Variants in PCTP observed in about 807,000 individuals in gnomAD.
PCTP encodes the protein phosphatidylcholine transfer protein, also known as START domain-containing protein 2.
Under a neutral mutation model 31.0 loss-of-function variants are expected in PCTP, and 27 were observed. That is an observed-to-expected ratio of 0.87 (90% confidence interval 0.64 to 1.20). The LOEUF (loss-of-function observed/expected upper bound fraction) is 1.20, where lower values mean the gene tolerates loss of function less well. Among genes scored for constraint, PCTP ranks in the 50% most tolerant of loss-of-function variants. PCTP has a pLI of 0.00. For synonymous variants in PCTP, 108 were observed against 101.2 expected, an observed-to-expected ratio of 1.07 and a Z score of -0.40; for missense variants, 287 against 268.2, an observed-to-expected ratio of 1.07 and a Z score of -0.49.
chr17:55,819,034 AAAAG>A (rs1913026575), intron 3 of PCTP, among the ~76,000 whole-genome samples: 2 of 148,700 alleles, frequency 1.3e-5, no homozygotes, highest in Non-Finnish European at 3.0e-5. Flanking sequence ...AAAAAAAAAA[AAAAG>A]AAAAGGAAAG....
At chr17:55,851,397 TCTGTAAGGTGACCCA>T in the PCTP span, among the ~76,000 whole-genome samples, 1 of 152,190 alleles carries the variant, frequency 6.6e-6, no homozygotes, top group Admixed American at 6.5e-5. Context: ...ATGGAGGTTG[TCTGTAAGGTGACCCA>T]CTCAAGCTCT....
At chr17:55,851,184 T>C in the PCTP span, among the ~76,000 whole-genome samples, 5 of 152,216 alleles carry the variant, frequency 3.3e-5, no homozygotes, top group Non-Finnish European at 5.9e-5. Context: ...CTTAAAAGTA[T>C]GATTATGTGT....
intron 3 of PCTP, among the ~76,000 whole-genome samples, chr17:55,804,877 G>C (rs938120513): frequency 6.6e-6 from 1 of 151,958 alleles, no homozygotes; most frequent in Non-Finnish European, 1.5e-5. Context: ...AAATTGAAAA[G>C]ATGGCATAAC....
At chr17:55,846,280 T>C (rs1039471660), downstream of PCTP, among the ~76,000 whole-genome samples, 7 of 152,134 alleles carry the variant, frequency 4.6e-5, no homozygotes, top group South Asian at 2.1e-4. Flanking sequence ...CCACCAAATA[T>C]AGATTCACTG....
chr17:55,758,619 T>C (rs1244442995), intron 1 of PCTP, among the ~76,000 whole-genome samples: 1 of 152,240 alleles, frequency 6.6e-6, no homozygotes, highest in East Asian at 1.9e-4. Context: ...TGGTCACTTA[T>C]GGAGCTGAAA....
rs532725416 is a variant in PCTP, at chr17:55,775,555, T to G, written c.580-480T>G. The G allele has an allele frequency of 3.8e-5, 44 of 1,157,402 alleles. 1 individual carries two copies. In the South Asian group the frequency reaches 2.0e-3, roughly 51 times the overall value. 71.7% of individuals were successfully genotyped at this position (1,157,402 alleles called of 1,614,324 possible). ...CTTCCTTTTTAAAAATGAAGATAGA[T>G]GTCTTCTACTGCATAGAGGGGGAGT... is the stretch of plus-strand genomic sequence containing the variant. On this transcript the variant is annotated intron_variant, in intron 5 of 5. Coordinates refer to ENST00000268896, the MANE Select transcript of PCTP (RefSeq NM_021213.4).
At chr17:55,799,693 T>C (rs1422992398) in intron 3 of PCTP, among the ~76,000 whole-genome samples, 3 of 152,144 alleles carry the variant, frequency 2.0e-5, no homozygotes, top group African/African-American at 4.8e-5. Context: ...ATTTGGTATG[T>C]TTTGCAGTGG....
chr17:55,808,997 A>G (rs1912665027), intron 3 of PCTP, among the ~76,000 whole-genome samples: 1 of 152,192 alleles, frequency 6.6e-6, no homozygotes, highest in South Asian at 2.1e-4. Flanking sequence ...ACATCTACAC[A>G]ATGCAAAGTG....
At chr17:55,800,377 C>T (rs1912335672) in intron 3 of PCTP, among the ~76,000 whole-genome samples, 1 of 151,752 alleles carries the variant, frequency 6.6e-6, no homozygotes, top group East Asian at 1.9e-4. Context: ...GCTATTGATA[C>T]TTGTGTGTGC....
downstream of PCTP, among the ~76,000 whole-genome samples, chr17:55,824,465 AAT>A (rs1905331923): frequency 6.6e-6 from 1 of 152,210 alleles, no homozygotes; most frequent in South Asian, 2.1e-4. Flanking sequence ...GCATGTCTCA[AAT>A]TAATTCCTGC....
chr17:55,844,655 A>T (rs923935215), downstream of PCTP, among the ~76,000 whole-genome samples: 5 of 152,130 alleles, frequency 3.3e-5, no homozygotes, highest in South Asian at 2.1e-4. Context: ...AGACTCACCG[A>T]CATAGAATCT....
At chr17:55,778,361 C>T (rs562089182), downstream of PCTP, among the ~76,000 whole-genome samples, 4 of 152,230 alleles carry the variant, frequency 2.6e-5, no homozygotes, top group East Asian at 7.7e-4. Flanking sequence ...CTTTGTTTTA[C>T]TTATTTTTCC....
chr17:55,847,072 T>C (rs1017839318), downstream of PCTP, among the ~76,000 whole-genome samples: 1 of 152,196 alleles, frequency 6.6e-6, no homozygotes, highest in Admixed American at 6.5e-5. Flanking sequence ...ATTGAATGAA[T>C]TCACTGAGAC....
chr17:55,838,322 A>C (rs1905845020), intron 5 of PCTP, among the ~76,000 whole-genome samples: 1 of 152,234 alleles, frequency 6.6e-6, no homozygotes, highest in Admixed American at 6.5e-5. Flanking sequence ...CCACAGTGAA[A>C]TCTGCAATAG....
chr17:55,834,270 A>G (rs1031885928), intron 5 of PCTP, among the ~76,000 whole-genome samples: 1 of 152,158 alleles, frequency 6.6e-6, no homozygotes, highest in Non-Finnish European at 1.5e-5. Flanking sequence ...CATGTGCCAC[A>G]GTGATTTGCT....
At chr17:55,837,358 C>T (rs1905812863) in intron 5 of PCTP, among the ~76,000 whole-genome samples, 1 of 152,292 alleles carries the variant, frequency 6.6e-6, no homozygotes, top group Middle Eastern at 3.4e-3. Flanking sequence ...GTGCACTAGA[C>T]TCTTAGATTG....
Position 55,776,195 on chromosome 17 carries a change from G to C in PCTP, c.*95G>C. On this transcript the variant is annotated 3_prime_UTR_variant, in exon 6 of 6. Coordinates refer to ENST00000268896, the MANE Select transcript of PCTP (RefSeq NM_021213.4). ...AAGTGCCACCTGGAAGTGCCACCTG[G>C]AAGTGTCTCTGGAAGAGCACCCACC... 6.5e-7 allele frequency: 1 copy of C among 1,548,132 alleles called. No homozygotes were observed. Among genetic ancestry groups the C allele is most frequent in the Non-Finnish European group, 8.7e-7 (1 of 1,146,804 alleles).
intron 2 of PCTP, among the ~76,000 whole-genome samples, chr17:55,783,385 T>C (rs1911633886): frequency 6.6e-6 from 1 of 152,132 alleles, no homozygotes; most frequent in African/African-American, 2.4e-5. Context: ...AGAAAACCTG[T>C]ATCCCCCATG....
intron 1 of PCTP, among the ~76,000 whole-genome samples, chr17:55,757,644 G>A (rs1910114728): frequency 6.6e-6 from 1 of 151,938 alleles, no homozygotes; most frequent in African/African-American, 2.4e-5. Context: ...GTTCATGTAT[G>A]TATGTGTATA....
Sources: gnomAD v4.1 joint callset for allele counts (sites outside exome capture counted in the v4.1 genomes callset) on GRCh38, gnomAD v4.1.1 for gene constraint, MANE v1.5 for transcripts, NCBI Gene and HGNC (gene_info 2026-07-23, HGNC 2026-07-21) for gene names.